Variants in SGCD observed in about 807,000 individuals in gnomAD.
SGCD encodes the protein sarcoglycan delta.
A neutral mutation model predicts 36.6 loss-of-function variants in SGCD; 18 were observed. The ratio of observed to expected loss-of-function variants is 0.49; its 90% CI spans 0.34 to 0.73. SGCD has a LOEUF of 0.73. SGCD is among the 30% of genes least tolerant of loss of function. The probability of loss-of-function intolerance (pLI) is 0.01; values close to 1 mark genes in which losing one functional copy is unlikely to be tolerated. For synonymous variants in SGCD, 133 were observed against 130.6 expected, an observed-to-expected ratio of 1.02 and a Z score of -0.12; for missense variants, 387 against 346.7, an observed-to-expected ratio of 1.12 and a Z score of -0.92.
intron 1 of SGCD, among the ~76,000 whole-genome samples, chr5:156,083,030 A>G (rs1761000044): frequency 6.6e-6 from 1 of 152,020 alleles, no homozygotes; most frequent in Admixed American, 6.6e-5. Flanking sequence ...GATATTGAAC[A>G]TCTTTTCATA....
intron 7 of SGCD, among the ~76,000 whole-genome samples, chr5:156,727,484 G>A (rs1025401490): frequency 6.6e-6 from 1 of 152,146 alleles, no homozygotes; most frequent in Non-Finnish European, 1.5e-5. Context: ...ACTACCTTCT[G>A]GTCAATTGTT....
chr5:156,199,719 T>C (rs1764098122), intron 3 of SGCD, among the ~76,000 whole-genome samples: 1 of 152,162 alleles, frequency 6.6e-6, no homozygotes, highest in Non-Finnish European at 1.5e-5. Flanking sequence ...ACCAAAAATC[T>C]ATAAACTTCA....
At chr5:155,899,508 G>T (rs1756340092) in intron 1 of SGCD, among the ~76,000 whole-genome samples, 1 of 152,140 alleles carries the variant, frequency 6.6e-6, no homozygotes, top group South Asian at 2.1e-4. Context: ...TCCATGTCAT[G>T]CACATTAATT....
chr5:156,453,155 G>C (rs1754098130), intron 3 of SGCD, among the ~76,000 whole-genome samples: 1 of 152,156 alleles, frequency 6.6e-6, no homozygotes, highest in Non-Finnish European at 1.5e-5. Flanking sequence ...GAAGGCTGAA[G>C]AAACTAAGGA....
At chr5:156,164,077 C>T (rs752237711) in intron 3 of SGCD, among the ~76,000 whole-genome samples, 42 of 150,726 alleles carry the variant, frequency 2.8e-4, no homozygotes, top group Non-Finnish European at 4.6e-4. Context: ...CTGAACTTTG[C>T]CTGCCTTGGA....
At chr5:156,211,908 T>C (rs914245337) in intron 3 of SGCD, among the ~76,000 whole-genome samples, 2 of 152,130 alleles carry the variant, frequency 1.3e-5, no homozygotes, top group Non-Finnish European at 2.9e-5. Context: ...AGTCTTGGTA[T>C]GTGGTCAAAG....
chr5:156,277,577 A>G (rs1399375386), intron 3 of SGCD, among the ~76,000 whole-genome samples: 1 of 152,208 alleles, frequency 6.6e-6, no homozygotes, highest in African/African-American at 2.4e-5. Flanking sequence ...TCGATGACAA[A>G]TGATAGATCA....
chr5:156,459,194 A>G (rs979896163), intron 3 of SGCD, among the ~76,000 whole-genome samples: 3 of 152,100 alleles, frequency 2.0e-5, no homozygotes, highest in Non-Finnish European at 4.4e-5. Flanking sequence ...TTATAAGTAC[A>G]TAATTGTGTG....
chr5:156,636,236 A>G (rs937398647), intron 6 of SGCD, among the ~76,000 whole-genome samples: 2 of 152,174 alleles, frequency 1.3e-5, no homozygotes, highest in African/African-American at 4.8e-5. Flanking sequence ...CTTACTTACT[A>G]CTTACTGGAA....
chr5:155,754,638 G>A, the SGCD span, among the ~76,000 whole-genome samples: 2 of 152,154 alleles, frequency 1.3e-5, no homozygotes, highest in African/African-American at 2.4e-5. Flanking sequence ...GTTATAAGGT[G>A]GAACATTAAA....
At chr5:156,078,579 T>TTATA (rs35525705) in intron 1 of SGCD, among the ~76,000 whole-genome samples, 7 of 136,702 alleles carry the variant, frequency 5.1e-5, no homozygotes, top group African/African-American at 1.7e-4. Context: ...ATATTTATAT[T>TTATA]TATATATATT....
chr5:156,276,049 A>G (rs927049273), intron 3 of SGCD, among the ~76,000 whole-genome samples: 3 of 152,174 alleles, frequency 2.0e-5, no homozygotes, highest in Non-Finnish European at 2.9e-5. Flanking sequence ...TGACCTCCCC[A>G]GCCAAGGTTC....
chr5:155,743,931 G>C, the SGCD span, among the ~76,000 whole-genome samples: 1 of 152,170 alleles, frequency 6.6e-6, no homozygotes, highest in East Asian at 1.9e-4. Context: ...CCTAGAAGAG[G>C]ACCAAGTGTC....
At chr5:155,889,026 A>G (rs1361237793) in intron 1 of SGCD, among the ~76,000 whole-genome samples, 1 of 152,146 alleles carries the variant, frequency 6.6e-6, no homozygotes, top group Non-Finnish European at 1.5e-5. Flanking sequence ...TACGCTCATA[A>G]CACTGTATTT....
intron 3 of SGCD, among the ~76,000 whole-genome samples, chr5:156,363,142 T>C (rs1769897339): frequency 6.6e-6 from 1 of 152,184 alleles, no homozygotes; most frequent in Non-Finnish European, 1.5e-5. Flanking sequence ...ATCTGTGATA[T>C]GTTTATGAAG....
intron 1 of SGCD, among the ~76,000 whole-genome samples, chr5:156,093,055 G>C (rs1761285024): frequency 2.0e-5 from 3 of 152,248 alleles, no homozygotes; most frequent in Admixed American, 2.0e-4. Context: ...GGAGCCTCCA[G>C]ATATCTCTGT....
At chr5:156,108,513 A>T (rs1002179807) in intron 1 of SGCD, among the ~76,000 whole-genome samples, 3 of 152,120 alleles carry the variant, frequency 2.0e-5, no homozygotes, top group African/African-American at 7.2e-5. Flanking sequence ...ATAATCTGTT[A>T]TACATATTAA....
intron 3 of SGCD, among the ~76,000 whole-genome samples, chr5:156,362,457 C>G (rs1415643564): frequency 6.6e-6 from 1 of 152,174 alleles, no homozygotes; most frequent in Non-Finnish European, 1.5e-5. Context: ...ACCATCCTGG[C>G]CAACATGGTG....
chr5:155,822,917 C>T, the SGCD span, among the ~76,000 whole-genome samples: 2 of 152,106 alleles, frequency 1.3e-5, no homozygotes, highest in Non-Finnish European at 2.9e-5. Flanking sequence ...GAGCAGTTGT[C>T]ACTCCCAAAC....
Sources: gnomAD v4.1 joint callset for allele counts (sites outside exome capture counted in the v4.1 genomes callset) on GRCh38, gnomAD v4.1.1 for gene constraint, MANE v1.5 for transcripts, NCBI Gene and HGNC (gene_info 2026-07-23, HGNC 2026-07-21) for gene names.